The following LTBP1 variants were observed in gnomAD, a reference collection of about 807,000 sequenced individuals.
LTBP1 encodes the protein latent-transforming growth factor beta-binding protein 1.
LTBP1 carries 129 observed loss-of-function variants against 207.6 expected under a neutral mutation model. The ratio of observed to expected loss-of-function variants is 0.62; its 90% CI spans 0.54 to 0.72. The LOEUF is 0.72. Ranked by LOEUF, LTBP1 falls within the 30% of genes least tolerant of loss-of-function variation. The pLI is 0.00. For synonymous variants in LTBP1, 963 were observed against 833.7 expected, an observed-to-expected ratio of 1.16 and a Z score of -2.67; for missense variants, 2,281 against 2,217.2, an observed-to-expected ratio of 1.03 and a Z score of -0.58.
At chr2:33,149,877 C>T (rs765151861) in intron 5 of LTBP1, among the ~76,000 whole-genome samples, 3 of 152,104 alleles carry the variant, frequency 2.0e-5, no homozygotes, top group South Asian at 4.2e-4. Flanking sequence ...TTTATTTGAA[C>T]GATAGCATCA....
intron 4 of LTBP1, among the ~76,000 whole-genome samples, chr2:33,118,782 G>C (rs930378458): frequency 6.6e-6 from 1 of 152,184 alleles, no homozygotes; most frequent in Non-Finnish European, 1.5e-5. Flanking sequence ...GGGTTAGGGC[G>C]TGGAGGGGAG....
chr2:33,059,486 T>G (rs1203831918), intron 3 of LTBP1, among the ~76,000 whole-genome samples: 1 of 152,148 alleles, frequency 6.6e-6, no homozygotes, highest in Admixed American at 6.5e-5. Context: ...GCCATGTCCG[T>G]GGTGCCCAGT....
intron 9 of LTBP1, among the ~76,000 whole-genome samples, chr2:33,228,899 C>T (rs1283960227): frequency 6.6e-6 from 1 of 151,640 alleles, no homozygotes; most frequent in African/African-American, 2.4e-5. Context: ...CAGGGTTTCA[C>T]CATGTTTGCC....
intron 24 of LTBP1, among the ~76,000 whole-genome samples, chr2:33,339,553 G>T (rs553717319): frequency 2.4e-4 from 36 of 152,212 alleles, no homozygotes; most frequent in African/African-American, 8.4e-4. Context: ...TGCTGACATT[G>T]AAAATCAATC....
chr2:33,358,933 C>T lies in LTBP1; in HGVS notation c.4001-1664C>T, dbSNP rs1007157230. On this transcript the variant is annotated intron_variant, in intron 26 of 33. Coordinates refer to ENST00000404816, the MANE Select transcript of LTBP1 (RefSeq NM_206943.4). ...ACGAAGATCCGTTCCGTTAAGAGTA[C>T]GCAAAGTGAATTTCAGTCCTCTGCA... 6.6e-5 allele frequency among the ~76,000 whole-genome samples: 10 copies of T among 152,116 alleles called. No homozygotes were observed. The East Asian group carries it at 7.7e-4, about 12-fold the overall frequency.
chr2:33,043,100 C>A (rs191315075), intron 3 of LTBP1, among the ~76,000 whole-genome samples: 1 of 152,234 alleles, frequency 6.6e-6, no homozygotes, highest in African/African-American at 2.4e-5. Flanking sequence ...CTGTGAACCG[C>A]TGTTCTAGAG....
intron 2 of LTBP1, among the ~76,000 whole-genome samples, chr2:32,987,494 T>C (rs1683773525): frequency 6.6e-6 from 1 of 152,118 alleles, no homozygotes; most frequent in Non-Finnish European, 1.5e-5. Context: ...TTCCATCAGT[T>C]TCCTGCCTCT....
intron 24 of LTBP1, among the ~76,000 whole-genome samples, chr2:33,322,600 T>C (rs2094372042): frequency 6.6e-6 from 1 of 152,250 alleles, no homozygotes. Flanking sequence ...TGAGTTCTTA[T>C]TACAAGCCAG....
At chr2:33,376,417 A>G (rs551186634) in intron 31 of LTBP1, among the ~76,000 whole-genome samples, 1 of 152,338 alleles carries the variant, frequency 6.6e-6, no homozygotes, top group Admixed American at 6.5e-5. Flanking sequence ...CTGTAGCAGA[A>G]TTACTGTGTT....
intron 20 of LTBP1, among the ~76,000 whole-genome samples, chr2:33,297,066 G>C (rs1264518622): frequency 1.3e-5 from 2 of 152,210 alleles, no homozygotes; most frequent in Non-Finnish European, 2.9e-5. Flanking sequence ...GCTTCACAAA[G>C]GTATTGCTAT....
chr2:32,959,547 A>ATGTGTGTG (rs1208584717), intron 2 of LTBP1, among the ~76,000 whole-genome samples: 2 of 103,484 alleles, frequency 1.9e-5, no homozygotes, highest in African/African-American at 3.1e-5. Flanking sequence ...TGCTGTATAT[A>ATGTGTGTG]TATGTGTGTG....
At position 33,377,136 on chromosome 2, in the gene LTBP1, T is replaced by G. The variant is rs187273301; in HGVS notation, c.4711+11633T>G. On this transcript the variant is annotated intron_variant, in intron 31 of 33. Coordinates refer to ENST00000404816, the MANE Select transcript of LTBP1 (RefSeq NM_206943.4). ...TAAAAACCCTGATAGAGGGGAAAAC[T>G]TACTCCTTCATTTCTTGCTAAACTG... is the stretch of plus-strand genomic sequence containing the variant. Among the ~76,000 whole-genome samples, 153 of 152,278 alleles carry G rather than the reference T, an allele frequency of 1.0e-3. 1 individual carries two copies. The highest frequency in any genetic ancestry group is 9.8e-4 in the Non-Finnish European group (67 of 68,024).
chr2:33,325,441 C>A (rs1244113684), intron 24 of LTBP1, among the ~76,000 whole-genome samples: 1 of 152,152 alleles, frequency 6.6e-6, no homozygotes, highest in Non-Finnish European at 1.5e-5. Flanking sequence ...TTCTCCCAGT[C>A]CTCACTGGCA....
At chr2:33,135,641 G>C (rs2198567) in intron 5 of LTBP1, among the ~76,000 whole-genome samples, 146,510 of 152,316 alleles carry the variant, frequency 0.96, 70,499 homozygotes, top group East Asian at 1. Context: ...TAAATATGAA[G>C]TAGTAGTTGC....
At chr2:33,192,093 AAG>A (rs2087958398) in intron 7 of LTBP1, among the ~76,000 whole-genome samples, 2 of 152,184 alleles carry the variant, frequency 1.3e-5, no homozygotes, top group Non-Finnish European at 1.5e-5. Context: ...GAACAGAGGA[AAG>A]AGAACAGTAC....
chr2:33,197,519 A>G (rs2088695626), intron 7 of LTBP1, among the ~76,000 whole-genome samples: 1 of 152,178 alleles, frequency 6.6e-6, no homozygotes, highest in Non-Finnish European at 1.5e-5. Flanking sequence ...TTATTTTTGC[A>G]TCATAGGAAC....
chr2:33,060,896 T>G (rs182609918), intron 3 of LTBP1, among the ~76,000 whole-genome samples: 1 of 150,912 alleles, frequency 6.6e-6, no homozygotes, highest in Non-Finnish European at 1.5e-5. Flanking sequence ...ATTATATTAC[T>G]TTTTTTTTCT....
chr2:33,276,316 C>G (rs544668873), intron 18 of LTBP1, among the ~76,000 whole-genome samples: 4 of 152,276 alleles, frequency 2.6e-5, no homozygotes, highest in African/African-American at 9.6e-5. Flanking sequence ...TCCTTTGTCT[C>G]CAATGCTTTC....
chr2:33,209,858 G>A (rs377014369), intron 7 of LTBP1, among the ~76,000 whole-genome samples: 23 of 152,286 alleles, frequency 1.5e-4, no homozygotes, highest in East Asian at 1.2e-3. Context: ...CATACAGTCC[G>A]TCTCACATGT....
Sources: allele counts gnomAD v4.1 joint callset (sites outside exome capture counted in the v4.1 genomes callset), GRCh38; gene constraint gnomAD v4.1.1; transcripts MANE v1.5; gene names NCBI Gene and HGNC (gene_info 2026-07-23, HGNC 2026-07-21).